The following PPTC7 variants were observed in gnomAD, a reference collection of about 807,000 sequenced individuals.
PPTC7 encodes the protein protein phosphatase targeting COQ7.
A neutral mutation model predicts 30.8 loss-of-function variants in PPTC7; 6 were observed. That is an observed-to-expected ratio of 0.19 (90% CI 0.11 to 0.38). PPTC7 has a LOEUF of 0.38. PPTC7 is among the 10% of genes least tolerant of loss of function. PPTC7 has a pLI of 1.00. For synonymous variants in PPTC7, 163 were observed against 168.1 expected (o/e 0.97, Z 0.23); for missense variants, 218 against 404.8 (o/e 0.54, Z 3.96).
chr12:110,553,223 C>G (rs2064362145), intron 1 of PPTC7, among the ~76,000 whole-genome samples: 1 of 151,648 alleles, frequency 6.6e-6, no homozygotes, highest in African/African-American at 2.4e-5. Context: ...TCTCGGCTCA[C>G]CGCAACCTCT....
intron 2 of PPTC7, among the ~76,000 whole-genome samples, chr12:110,548,473 T>C (rs1258124017): frequency 6.6e-6 from 1 of 152,196 alleles, no homozygotes; most frequent in Non-Finnish European, 1.5e-5. Context: ...GTACTGTAAC[T>C]CACTGGTAGT....
chr12:110,569,648 T>C (rs1407405099), intron 1 of PPTC7, among the ~76,000 whole-genome samples: 1 of 152,232 alleles, frequency 6.6e-6, no homozygotes, highest in East Asian at 1.9e-4. Context: ...AAGGCTATCC[T>C]GTCTTCATTC....
intron 1 of PPTC7, among the ~76,000 whole-genome samples, chr12:110,555,319 CT>C (rs2135776095): frequency 1.3e-5 from 2 of 152,234 alleles, no homozygotes; most frequent in East Asian, 3.9e-4. Flanking sequence ...TCCAAATTAG[CT>C]AATTAAAGTA....
At chr12:110,575,607 CAAAAAAAAAAAAAA>C (rs55831249) in intron 1 of PPTC7, among the ~76,000 whole-genome samples, 3 of 26,540 alleles carry the variant, frequency 1.1e-4, no homozygotes, top group African/African-American at 2.8e-4. Flanking sequence ...AACCCCACCT[CAAAAAAAAAAAAAA>C]AAAAAAAAAA....
intron 1 of PPTC7, among the ~76,000 whole-genome samples, chr12:110,557,052 G>A (rs985491848): frequency 5.9e-5 from 9 of 152,054 alleles, no homozygotes; most frequent in Non-Finnish European, 1.2e-4. Flanking sequence ...AAAAATGAAG[G>A]GCAGTAGCGA....
At chr12:110,562,095 G>T (rs1004747352) in intron 1 of PPTC7, among the ~76,000 whole-genome samples, 7 of 151,826 alleles carry the variant, frequency 4.6e-5, no homozygotes, top group African/African-American at 1.7e-4. Flanking sequence ...CAGTCTGGGT[G>T]AAAGAGCAAG....
chr12:110,575,451 G>A (rs992779379), intron 1 of PPTC7, among the ~76,000 whole-genome samples: 5 of 151,982 alleles, frequency 3.3e-5, no homozygotes, highest in African/African-American at 1.2e-4. Context: ...CATGGTTGTA[G>A]GTCACATTCT....
chr12:110,555,943 C>A (rs1430082936), intron 1 of PPTC7, among the ~76,000 whole-genome samples: 1 of 152,174 alleles, frequency 6.6e-6, no homozygotes, highest in African/African-American at 2.4e-5. Context: ...ATCATTCATT[C>A]TTTTCAAACC....
chr12:110,554,445 C>T (rs182329699), intron 1 of PPTC7, among the ~76,000 whole-genome samples: 65 of 152,272 alleles, frequency 4.3e-4, no homozygotes, highest in Non-Finnish European at 6.9e-4. Flanking sequence ...TCCCAAAATG[C>T]TTGGATTACA....
chr12:110,565,759 C>T (rs918531424), intron 1 of PPTC7, among the ~76,000 whole-genome samples: 1 of 152,098 alleles, frequency 6.6e-6, no homozygotes, highest in African/African-American at 2.4e-5. Flanking sequence ...ATATTTCCTG[C>T]ATATGGGAAC....
chr12:110,541,872 G>A (rs917143043), intron 3 of PPTC7, among the ~76,000 whole-genome samples: 6 of 152,026 alleles, frequency 3.9e-5, no homozygotes, highest in Admixed American at 2.6e-4. Context: ...TTGACCAGGC[G>A]TGGTGGCTCA....
At chr12:110,568,024 C>G (rs564308887) in intron 1 of PPTC7, among the ~76,000 whole-genome samples, 3 of 146,848 alleles carry the variant, frequency 2.0e-5, no homozygotes, top group Middle Eastern at 3.5e-3. Context: ...AACAAAAAAC[C>G]CACCCAATTC....
At chr12:110,556,756 C>T (rs761619756) in intron 1 of PPTC7, among the ~76,000 whole-genome samples, 4 of 152,180 alleles carry the variant, frequency 2.6e-5, no homozygotes, top group African/African-American at 7.2e-5. Flanking sequence ...CTGAGAAAGC[C>T]GGTCTCTGAG....
At chr12:110,580,808 G>A (rs1357413281) in intron 1 of PPTC7, among the ~76,000 whole-genome samples, 1 of 151,980 alleles carries the variant, frequency 6.6e-6, no homozygotes, top group Non-Finnish European at 1.5e-5. Context: ...CTGGAGTGCA[G>A]TGGCACGATC....
intron 1 of PPTC7, among the ~76,000 whole-genome samples, chr12:110,554,017 C>T (rs1428713753): frequency 1.3e-5 from 2 of 152,038 alleles, no homozygotes; most frequent in Admixed American, 6.6e-5. Flanking sequence ...CGACACCACA[C>T]CTGACTTGCA....
At chr12:110,556,494 C>G (rs1047130435) in intron 1 of PPTC7, among the ~76,000 whole-genome samples, 2 of 152,144 alleles carry the variant, frequency 1.3e-5, no homozygotes, top group African/African-American at 2.4e-5. Context: ...ATTGCATAAG[C>G]AAAAGCTTCA....
At chr12:110,571,745 T>C (rs932406746) in intron 1 of PPTC7, among the ~76,000 whole-genome samples, 4 of 152,330 alleles carry the variant, frequency 2.6e-5, no homozygotes, top group Non-Finnish European at 4.4e-5. Flanking sequence ...CATACTAACC[T>C]TGTTATTCAA....
At chr12:110,579,081 A>G (rs2064614471) in intron 1 of PPTC7, among the ~76,000 whole-genome samples, 1 of 152,074 alleles carries the variant, frequency 6.6e-6, no homozygotes, top group Non-Finnish European at 1.5e-5. Context: ...GCTGGGAGGC[A>G]GAGGTTGCAG....
chr12:110,566,494 G>A (rs1412726801), intron 1 of PPTC7, among the ~76,000 whole-genome samples: 3 of 152,202 alleles, frequency 2.0e-5, no homozygotes, highest in African/African-American at 7.2e-5. Context: ...CCTGTGAATG[G>A]AGTCGTATCC....
Sources: allele counts gnomAD v4.1 joint callset (sites outside exome capture counted in the v4.1 genomes callset), GRCh38; gene constraint gnomAD v4.1.1; transcripts MANE v1.5; gene names NCBI Gene and HGNC (gene_info 2026-07-23, HGNC 2026-07-21).